GALNT12: variants seen among roughly 807,000 people sequenced by gnomAD.
GALNT12 encodes UDP-GalNAc:polypeptide N-acetylgalactosaminyltransferase 12.
GALNT12 carries 45 observed loss-of-function variants against 55.5 expected under a neutral mutation model. The observed-to-expected ratio is 0.81, with a 90% CI of 0.64 to 1.04. The LOEUF (loss-of-function observed/expected upper bound fraction) is 1.04. GALNT12 is among the 50% of genes least tolerant of loss of function. GALNT12 has a pLI of 0.00. For missense variants in GALNT12, 709 were observed against 754.8 expected (o/e 0.94, Z 0.71); for synonymous variants, 304 against 312.2 (o/e 0.97, Z 0.28).
intron 1 of GALNT12, among the ~76,000 whole-genome samples, chr9:98,810,859 T>C (rs1443038833): frequency 6.6e-6 from 1 of 152,192 alleles, no homozygotes; most frequent in Non-Finnish European, 1.5e-5. Context: ...GAATCCTTCC[T>C]TGCATGGTAA....
intron 6 of GALNT12, among the ~76,000 whole-genome samples, chr9:98,838,122 T>G (rs1836197500): frequency 6.6e-6 from 1 of 152,162 alleles, no homozygotes; most frequent in Non-Finnish European, 1.5e-5. Context: ...ATCCGCCTTA[T>G]TAGTTAGGGG....
intron 1 of GALNT12, among the ~76,000 whole-genome samples, chr9:98,812,837 C>T (rs1038699219): frequency 6.6e-6 from 1 of 151,860 alleles, no homozygotes; most frequent in African/African-American, 2.4e-5. Context: ...TATTTCTAAC[C>T]TTAGTGGTAA....
At chr9:98,809,280 C>G (rs1456097554) in intron 1 of GALNT12, among the ~76,000 whole-genome samples, 1 of 152,248 alleles carries the variant, frequency 6.6e-6, no homozygotes, top group African/African-American at 2.4e-5. Context: ...CATGCCTAGC[C>G]TCATGCTTCT....
At chr9:98,830,706 C>G (rs1236187273) in intron 3 of GALNT12, among the ~76,000 whole-genome samples, 2 of 152,208 alleles carry the variant, frequency 1.3e-5, no homozygotes, top group African/African-American at 2.4e-5. Context: ...TGGTGGATAC[C>G]TAGTATGCAA....
At chr9:98,833,443 C>A (rs1164157876) in intron 4 of GALNT12, among the ~76,000 whole-genome samples, 4 of 152,062 alleles carry the variant, frequency 2.6e-5, no homozygotes, top group Admixed American at 1.3e-4. Flanking sequence ...TTGGACTTGA[C>A]CCTGAGCAGG....
intron 1 of GALNT12, 102 bp from the exon 2 acceptor site, chr9:98,823,154 C>T: frequency 9.4e-7 from 1 of 1,065,874 alleles, no homozygotes; most frequent in African/African-American, 1.5e-5. Context: ...TGGATTATGT[C>T]CCCTTCCGCA....
chr9:98,814,404 A>G (rs1835568017), intron 1 of GALNT12, among the ~76,000 whole-genome samples: 1 of 152,152 alleles, frequency 6.6e-6, no homozygotes, highest in South Asian at 2.1e-4. Context: ...ACCTTAATAT[A>G]AAGATAAAAG....
Position 98,826,748 on chromosome 9 carries a change from C to G in GALNT12, c.542-4C>G. ...GACCCCTGTTGCTTTGTTTGCCTCCCTAGAGCACCTGAAGGAGCGCTTGGC... is the reference window on the plus strand; with the variant it reads ...GACCCCTGTTGCTTTGTTTGCCTCCGTAGAGCACCTGAAGGAGCGCTTGGC... On this transcript the variant is annotated splice_polypyrimidine_tract_variant and splice_region_variant and intron_variant, in intron 2 of 9. Transcript: ENST00000375011. 6.2e-7 allele frequency: 1 copy of G among 1,610,578 alleles called. No homozygotes were observed. The highest frequency in any genetic ancestry group is 1.1e-5 in the South Asian group (1 of 90,424).
intron 6 of GALNT12, among the ~76,000 whole-genome samples, chr9:98,838,889 C>T (rs778528736): frequency 3.2e-4 from 48 of 152,158 alleles, no homozygotes; most frequent in Non-Finnish European, 6.3e-4. Context: ...GGAACTTGTC[C>T]AGGCCCTGTG....
At chr9:98,815,771 T>G (rs1436591707) in intron 1 of GALNT12, among the ~76,000 whole-genome samples, 1 of 152,262 alleles carries the variant, frequency 6.6e-6, no homozygotes, top group Non-Finnish European at 1.5e-5. Flanking sequence ...TCTCACTTCT[T>G]AGAGATCACC....
Position 98,807,969 on chromosome 9 carries a change from C to G in GALNT12, c.271C>G (p.Leu91Val), listed in dbSNP as rs1835414168. The change falls in exon 1 of 10, where the codon CTG becomes GTG. Residue 91 changes from leucine (L) to valine (V), a missense_variant. Transcript: ENST00000375011. The part of the protein sequence containing the change: ...AVRLQLQGEE[L>V]RLQEESVRLH... ...GCGGCTGCAGCTGCAGGGCGAGGAG[C>G]TGCGGCTGCAGGAGGAGAGCGTGCG... 7 of 1,475,632 alleles carry G rather than the reference C, an allele frequency of 4.7e-6. No individual in the cohort carries two copies. Among genetic ancestry groups the G allele is most frequent in the Middle Eastern group, 2.4e-4 (1 of 4,154 alleles). The allele number at this position is 1,475,632 out of a possible 1,614,324, so 91.4% of individuals were successfully genotyped here. A position where few individuals can be genotyped will look rare whatever the true frequency, so the allele number is the denominator to read the frequency against.
In GALNT12 at chr9:98,823,443, C is replaced by T; in HGVS notation, c.541+18C>T. The T allele has an allele frequency of 1.2e-6, 2 of 1,610,980 alleles. No individual in the cohort carries two copies. Among genetic ancestry groups the T allele is most frequent in the Non-Finnish European group, 1.7e-6 (2 of 1,177,242 alleles). On this transcript the variant is annotated intron_variant, in intron 2 of 9. Coordinates refer to ENST00000375011, the MANE Select transcript of GALNT12 (RefSeq NM_024642.5). ...TGATAGAGGTGAGTCCCGGCCAGGG[C>T]TCTGGGAAGAGCCTGTCCTTCTGTA... is the stretch of plus-strand genomic sequence containing the variant.
intron 7 of GALNT12, among the ~76,000 whole-genome samples, chr9:98,840,562 A>T (rs772424920): frequency 6.6e-6 from 1 of 152,114 alleles, no homozygotes. Context: ...TTGGGATGAG[A>T]CCAGATAAAA....
At position 98,849,293 on chromosome 9, in the gene GALNT12, T is replaced by A. The variant is rs1159150541; in HGVS notation, c.*201T>A. The A allele has an allele frequency of 3.9e-5, 24 of 618,234 alleles. No homozygotes were observed. Among genetic ancestry groups the A allele is most frequent in the Non-Finnish European group, 6.3e-5 (22 of 350,086 alleles). 38.3% of individuals were successfully genotyped at this position (618,234 alleles called of 1,614,324 possible). ...CTTTGTACTTATTTTGAGAACTTTT[T>A]AAATGTTCCAAAATACCCTATTTTC... On this transcript the variant is annotated 3_prime_UTR_variant, in exon 10 of 10. Coordinates refer to ENST00000375011, the MANE Select transcript of GALNT12 (RefSeq NM_024642.5).
chr9:98,822,193 C>G (rs993212003), intron 1 of GALNT12, among the ~76,000 whole-genome samples: 2 of 152,230 alleles, frequency 1.3e-5, no homozygotes, highest in Non-Finnish European at 2.9e-5. Context: ...CATTTCACCC[C>G]CTTCTTGAGT....
At chr9:98,836,075 C>T (rs1365112878) in intron 5 of GALNT12, among the ~76,000 whole-genome samples, 2 of 152,150 alleles carry the variant, frequency 1.3e-5, no homozygotes, top group Non-Finnish European at 2.9e-5. Flanking sequence ...GTTAGAAAGA[C>T]AGATTCACAA....
In GALNT12 at chr9:98,817,115, T is replaced by C. The variant is rs1042151089; in HGVS notation, c.372-6141T>C. Among the ~76,000 whole-genome samples the C allele has an allele frequency of 3.3e-5, 5 of 152,128 alleles. No homozygotes were observed. In the South Asian group the frequency reaches 6.2e-4, roughly 19 times the overall value. The stretch of plus-strand genomic sequence containing the variant: ...TGCTGGGATTACAGGCGTGGGCCAC[T>C]GTGCCCAGCCCAGCTAATTTTTGTA... On this transcript the variant is annotated intron_variant, in intron 1 of 9. Transcript: ENST00000375011.
chr9:98,842,777 G>T (rs548456620), intron 7 of GALNT12, among the ~76,000 whole-genome samples: 1 of 151,456 alleles, frequency 6.6e-6, no homozygotes. Flanking sequence ...GAGAGCCACC[G>T]TTGTAACTTA....
intron 4 of GALNT12, among the ~76,000 whole-genome samples, chr9:98,833,254 G>A (rs994539322): frequency 7.2e-5 from 11 of 152,178 alleles, no homozygotes; most frequent in African/African-American, 2.7e-4. Context: ...CAGCCTCACC[G>A]CTGGTGTGTT....
Sources: gnomAD v4.1 joint callset for allele counts (sites outside exome capture counted in the v4.1 genomes callset) on GRCh38, gnomAD v4.1.1 for gene constraint, MANE v1.5 for transcripts, NCBI Gene and HGNC (gene_info 2026-07-23, HGNC 2026-07-21) for gene names.